GPR39: variants seen among roughly 807,000 people sequenced by gnomAD.
GPR39 encodes zinc sensing receptor.
In GPR39, 23 loss-of-function variants were observed where a neutral mutation model predicts 18.4. That is an observed-to-expected ratio of 1.25 (90% CI 0.90 to 1.77). GPR39 has a LOEUF of 1.77. GPR39 is among the 40% of genes most tolerant of loss of function. The pLI, the probability that GPR39 is intolerant of heterozygous loss-of-function variation, is 0.00. For synonymous variants in GPR39, 280 were observed against 257.9 expected (o/e 1.09, Z -0.82); for missense variants, 647 against 602.4 (o/e 1.07, Z -0.78).
intron 1 of GPR39, among the ~76,000 whole-genome samples, chr2:132,549,742 T>G (rs1024729492): frequency 6.6e-6 from 1 of 152,022 alleles, no homozygotes; most frequent in African/African-American, 2.4e-5. Flanking sequence ...GAGCCGAGAT[T>G]GTGCCACTGC....
chr2:132,564,810 C>T lies in GPR39; in HGVS notation c.857-80291C>T, dbSNP rs201263340. 1.7e-3 allele frequency among the ~76,000 whole-genome samples: 158 copies of T among 95,434 alleles called. 2 individuals carry two copies. In the East Asian group the frequency reaches 0.028, roughly 17 times the overall value. 62.6% of individuals were successfully genotyped at this position (95,434 alleles called of 152,430 possible). A position where few individuals can be genotyped will look rare whatever the true frequency, so the allele number is the denominator to read the frequency against. The stretch of plus-strand genomic sequence containing the variant: ...TTTAATAACTATTTTTTTCTTTTTT[C>T]TTTTTTTTTTTTTTTTTTTTTGTTG... On this transcript the variant is annotated intron_variant, in intron 1 of 1. Transcript: ENST00000329321.
intron 1 of GPR39, among the ~76,000 whole-genome samples, chr2:132,523,069 C>T (rs1025907228): frequency 2.0e-5 from 3 of 152,168 alleles, no homozygotes; most frequent in Admixed American, 6.5e-5. Flanking sequence ...CAAATCACTC[C>T]GAGCCATCTT....
intron 1 of GPR39, among the ~76,000 whole-genome samples, chr2:132,505,632 A>G (rs373482749): frequency 7.5e-4 from 114 of 152,234 alleles, no homozygotes; most frequent in Non-Finnish European, 1.3e-3. Context: ...AGCTCCTGCA[A>G]ATGAGTGGGA....
intron 1 of GPR39, among the ~76,000 whole-genome samples, chr2:132,631,912 T>G (rs758646500): frequency 4.0e-5 from 6 of 151,526 alleles, no homozygotes; most frequent in Non-Finnish European, 8.8e-5. Context: ...AACCTCTGCC[T>G]CCTGGTTTCA....
chr2:132,493,280 A>C (rs1048952900), intron 1 of GPR39, among the ~76,000 whole-genome samples: 2 of 146,434 alleles, frequency 1.4e-5, no homozygotes, highest in African/African-American at 5.0e-5. Flanking sequence ...TATGTATACC[A>C]TATATACCAT....
chr2:132,586,826 T>A (rs1680739694), intron 1 of GPR39, among the ~76,000 whole-genome samples: 1 of 152,258 alleles, frequency 6.6e-6, no homozygotes. Context: ...TCTTTCTTCA[T>A]GTACCTGGTT....
intron 1 of GPR39, among the ~76,000 whole-genome samples, chr2:132,508,274 A>G (rs568610404): frequency 1.3e-5 from 2 of 152,274 alleles, no homozygotes; most frequent in East Asian, 3.9e-4. Flanking sequence ...TCTATTATAC[A>G]ACACAGTCAT....
At chr2:132,527,886 GT>G (rs577773198) in intron 1 of GPR39, among the ~76,000 whole-genome samples, 1 of 151,082 alleles carries the variant, frequency 6.6e-6, no homozygotes, top group Non-Finnish European at 1.5e-5. Context: ...TCTGATGATA[GT>G]TTTTTTTGTT....
chr2:132,528,343 TA>T (rs1246521109), intron 1 of GPR39, among the ~76,000 whole-genome samples: 1 of 152,214 alleles, frequency 6.6e-6, no homozygotes, highest in Non-Finnish European at 1.5e-5. Context: ...CCTTGTGATA[TA>T]GTTTGAACCC....
At chr2:132,529,016 G>T (rs917137653) in intron 1 of GPR39, among the ~76,000 whole-genome samples, 1 of 152,096 alleles carries the variant, frequency 6.6e-6, no homozygotes, top group Non-Finnish European at 1.5e-5. Flanking sequence ...GCCAGACAGT[G>T]GGTGCAGGAC....
intron 1 of GPR39, among the ~76,000 whole-genome samples, chr2:132,623,146 A>G (rs560221350): frequency 2.0e-5 from 3 of 152,236 alleles, no homozygotes; most frequent in East Asian, 3.9e-4. Context: ...ATGAGATTTT[A>G]TGGTTTGTAA....
intron 1 of GPR39, among the ~76,000 whole-genome samples, chr2:132,519,359 T>C (rs2104765453): frequency 6.6e-6 from 1 of 152,346 alleles, no homozygotes; most frequent in East Asian, 1.9e-4. Flanking sequence ...GTACTGTTGC[T>C]TTGACATCAA....
chr2:132,582,216 A>G (rs547703291), intron 1 of GPR39, among the ~76,000 whole-genome samples: 3 of 152,302 alleles, frequency 2.0e-5, no homozygotes, highest in Middle Eastern at 6.8e-3. Flanking sequence ...GATCACCTCC[A>G]TATGCTTGCG....
chr2:132,602,444 G>A (rs1255272806), intron 1 of GPR39, among the ~76,000 whole-genome samples: 4 of 152,050 alleles, frequency 2.6e-5, no homozygotes, highest in African/African-American at 9.7e-5. Flanking sequence ...ACTACTAGAA[G>A]AACACATAGG....
chr2:132,429,029 C>G (rs550206301), intron 1 of GPR39, among the ~76,000 whole-genome samples: 1 of 152,296 alleles, frequency 6.6e-6, no homozygotes, highest in Admixed American at 6.5e-5. Context: ...AAAGTTCTTC[C>G]TATTGCCAAT....
intron 1 of GPR39, among the ~76,000 whole-genome samples, chr2:132,450,512 G>A (rs1680613485): frequency 6.6e-6 from 1 of 152,214 alleles, no homozygotes; most frequent in Non-Finnish European, 1.5e-5. Flanking sequence ...ATTCGTAAAA[G>A]TTCATCAGGA....
chr2:132,542,725 A>G (rs77442694), intron 1 of GPR39, among the ~76,000 whole-genome samples: 1 of 151,560 alleles, frequency 6.6e-6, no homozygotes, highest in African/African-American at 2.4e-5. Context: ...CACTAGAAAC[A>G]TCAAGCTCCC....
intron 1 of GPR39, among the ~76,000 whole-genome samples, chr2:132,492,197 A>G (rs1389612927): frequency 6.8e-6 from 1 of 146,222 alleles, no homozygotes; most frequent in Admixed American, 6.9e-5. Flanking sequence ...TATACATACC[A>G]TATATATACC....
At chr2:132,482,288 A>ATTG (rs1681249933) in intron 1 of GPR39, among the ~76,000 whole-genome samples, 1 of 152,020 alleles carries the variant, frequency 6.6e-6, no homozygotes. Flanking sequence ...TTTTTTATTC[A>ATTG]TTCATTTTTG....
Sources: allele counts gnomAD v4.1 joint callset (sites outside exome capture counted in the v4.1 genomes callset), GRCh38; gene constraint gnomAD v4.1.1; transcripts MANE v1.5; gene names NCBI Gene and HGNC (gene_info 2026-07-23, HGNC 2026-07-21).